Variants in GIGYF2 observed in about 807,000 individuals in gnomAD.
The protein encoded by GIGYF2 is GRB10-interacting GYF protein 2.
GIGYF2 carries 25 observed loss-of-function variants against 208.1 expected under a neutral mutation model. The ratio of observed to expected loss-of-function variants is 0.12; its 90% CI spans 0.09 to 0.17. The LOEUF (loss-of-function observed/expected upper bound fraction) is 0.17, where lower values mean the gene tolerates loss of function less well. GIGYF2 is among the 10% of genes least tolerant of loss of function. The pLI, the probability that GIGYF2 is intolerant of heterozygous loss-of-function variation, is 1.00. For missense variants in GIGYF2, 1,302 were observed against 1,579.4 expected, an observed-to-expected ratio of 0.82 and a Z score of 2.98; for synonymous variants, 534 against 543.8, an observed-to-expected ratio of 0.98 and a Z score of 0.25.
At chr2:232,784,721 G>A (rs1406602627) in intron 8 of GIGYF2, among the ~76,000 whole-genome samples, 1 of 152,080 alleles carries the variant, frequency 6.6e-6, no homozygotes, top group Non-Finnish European at 1.5e-5. Context: ...TGATATATCA[G>A]ATATTACATA....
intron 22 of GIGYF2, among the ~76,000 whole-genome samples, chr2:232,836,350 T>A (rs373497031): frequency 0.02 from 436 of 21,552 alleles, 25 homozygotes; most frequent in Admixed American, 0.056. Context: ...ACTTATATAT[T>A]TATATATATA....
intron 3 of GIGYF2, among the ~76,000 whole-genome samples, chr2:232,742,922 GA>G (rs763357570): frequency 2.6e-5 from 4 of 152,190 alleles, no homozygotes; most frequent in Non-Finnish European, 5.9e-5. Flanking sequence ...GGTTGTGTAT[GA>G]AAGCCTGACT....
chr2:232,784,167 A>G (rs1313640500), intron 8 of GIGYF2, among the ~76,000 whole-genome samples: 1 of 152,168 alleles, frequency 6.6e-6, no homozygotes, highest in African/African-American at 2.4e-5. Context: ...AGTTGGAAAT[A>G]AGTGATGAAG....
chr2:232,776,022 C>T (rs533285555), intron 8 of GIGYF2, among the ~76,000 whole-genome samples: 46 of 152,238 alleles, frequency 3.0e-4, no homozygotes, highest in South Asian at 8.3e-4. Context: ...TTAGGATACT[C>T]ATCACTTTCT....
intron 8 of GIGYF2, chr2:232,782,532 A>C (rs1699753169): frequency 6.6e-6 from 1 of 152,246 alleles, no homozygotes; most frequent in South Asian, 2.1e-4. Flanking sequence ...GATAGCAAAA[A>C]GGTAGAAAAC....
At chr2:232,856,099 G>T (rs1029280419) in intron 28 of GIGYF2, among the ~76,000 whole-genome samples, 3 of 151,646 alleles carry the variant, frequency 2.0e-5, no homozygotes, top group African/African-American at 7.3e-5. Flanking sequence ...CCTAGCTAAT[G>T]TTTTTTTGTA....
chr2:232,700,553 C>A (rs1435749428), intron 1 of GIGYF2: 1 of 152,114 alleles, frequency 6.6e-6, no homozygotes, highest in Admixed American at 6.6e-5. Flanking sequence ...ATTAAATTTC[C>A]CATACTTTCT....
chr2:232,788,351 C>T (rs570644857), intron 9 of GIGYF2: 1 of 214,200 alleles, frequency 4.7e-6, no homozygotes, highest in African/African-American at 2.3e-5. Context: ...ATGGCTGCCT[C>T]TTGGGTGGGT....
chr2:232,759,751 C>G (rs997313866), intron 6 of GIGYF2, among the ~76,000 whole-genome samples: 1 of 151,698 alleles, frequency 6.6e-6, no homozygotes, highest in Non-Finnish European at 1.5e-5. Context: ...TAGGATAAAT[C>G]CTAAGTAGAA....
At chr2:232,729,571 A>T in intron 2 of GIGYF2, 1 of 1,407,546 alleles carries the variant, frequency 7.1e-7, no homozygotes, top group African/African-American at 1.4e-5. Context: ...CATAGTCTTC[A>T]AAAGCAGTGA....
At chr2:232,815,213 G>A (rs76170002) in intron 18 of GIGYF2, among the ~76,000 whole-genome samples, 3,450 of 146,420 alleles carry the variant, frequency 0.024, 139 homozygotes, top group African/African-American at 0.078. Context: ...CTCTCTAGTT[G>A]GTGTGCAGTG....
Position 232,858,675 on chromosome 2 carries a change from C to A in GIGYF2, c.*1815C>A. The A allele has an allele frequency of 2.5e-6, 1 of 399,394 alleles. No individual in the cohort carries two copies. The highest frequency in any genetic ancestry group is 4.9e-6 in the Non-Finnish European group (1 of 203,592). The allele number at this position is 399,394 out of a possible 1,614,324, so 24.7% of individuals were successfully genotyped here. ...ACCTTTATGGAGGCTGAGTTCTGCA[C>A]TAAACTGTTCCTCTTGGTACCATGG... On this transcript the variant is annotated 3_prime_UTR_variant, in exon 29 of 29. Coordinates refer to ENST00000373563, the MANE Select transcript of GIGYF2 (RefSeq NM_001103146.3).
chr2:232,845,301 A>G (rs2106425731), intron 25 of GIGYF2, among the ~76,000 whole-genome samples: 1 of 152,380 alleles, frequency 6.6e-6, no homozygotes, highest in Non-Finnish European at 1.5e-5. Context: ...TTAGGGCCTA[A>G]CATATTATGA....
chr2:232,770,096 G>A (rs1214821577), intron 8 of GIGYF2, among the ~76,000 whole-genome samples: 1 of 152,190 alleles, frequency 6.6e-6, no homozygotes, highest in African/African-American at 2.4e-5. Context: ...GACTGACCCA[G>A]TATAGGAACT....
intron 2 of GIGYF2, among the ~76,000 whole-genome samples, chr2:232,726,961 C>G (rs1351892909): frequency 6.6e-6 from 1 of 152,140 alleles, no homozygotes; most frequent in African/African-American, 2.4e-5. Flanking sequence ...TGGAATGTTA[C>G]ACAGCTTGCT....
In GIGYF2 at chr2:232,857,089, G is replaced by A. The variant is rs947323628; in HGVS notation, c.*229G>A. 1.5e-5 allele frequency: 9 copies of A among 580,934 alleles called. No individual in the cohort carries two copies. In the East Asian group the frequency reaches 2.7e-4, roughly 17 times the overall value. The allele number at this position is 580,934 out of a possible 1,614,324, so 36.0% of individuals were successfully genotyped here. ...GTGGACTGGACCCTGTGTCTTGGGG[G>A]TGGCAGTTGGGATTACTCCCCAACA... On this transcript the variant is annotated 3_prime_UTR_variant, in exon 29 of 29. Transcript: ENST00000373563.
Position 232,723,136 on chromosome 2 carries a change from C to T in GIGYF2, c.-43-12019C>T, listed in dbSNP as rs915600165. Among the ~76,000 whole-genome samples, 28 of 152,026 alleles carry T rather than the reference C, an allele frequency of 1.8e-4. 1 individual carries two copies. The highest frequency in any genetic ancestry group is 6.3e-4 in the African/African-American group (26 of 41,380). ...TGGCCTCAGTTTCCTTTTAAATTCC[C>T]CTACCCCCTTCAATAAAACTCTACA... On this transcript the variant is annotated intron_variant, in intron 2 of 28. Coordinates refer to ENST00000373563, the MANE Select transcript of GIGYF2 (RefSeq NM_001103146.3).
In GIGYF2 at chr2:232,846,112, C is replaced by T. The variant is rs140194574; in HGVS notation, c.3460+226C>T. ...GTGGTTGTCAAAAAGTAAATGCCAT[C>T]TTAGACTGCCTTAATGATACACAGG... On this transcript the variant is annotated intron_variant, in intron 26 of 28. Coordinates refer to ENST00000373563, the MANE Select transcript of GIGYF2 (RefSeq NM_001103146.3). Among the ~76,000 whole-genome samples the T allele has an allele frequency of 5.3e-5, 8 of 152,272 alleles. No individual in the cohort carries two copies. The East Asian group carries it at 1.5e-3, about 29-fold the overall frequency.
intron 3 of GIGYF2, among the ~76,000 whole-genome samples, chr2:232,740,500 A>C (rs867138889): frequency 8.5e-5 from 13 of 152,198 alleles, no homozygotes; most frequent in Non-Finnish European, 1.8e-4. Context: ...TTTCTTCCCC[A>C]AAGTATTTTA....
Sources: allele counts gnomAD v4.1 joint callset (sites outside exome capture counted in the v4.1 genomes callset), GRCh38; gene constraint gnomAD v4.1.1; transcripts MANE v1.5; gene names NCBI Gene and HGNC (gene_info 2026-07-23, HGNC 2026-07-21).